WDR25: variants seen among roughly 807,000 people sequenced by gnomAD.
The protein encoded by WDR25 is WD repeat-containing protein 25.
In WDR25, 35 loss-of-function variants were observed where a neutral mutation model predicts 47.7. The ratio of observed to expected loss-of-function variants is 0.73; its 90% confidence interval spans 0.56 to 0.97. The LOEUF (loss-of-function observed/expected upper bound fraction) is 0.97. WDR25 is among the 50% of genes least tolerant of loss of function. WDR25 has a pLI of 0.00. For synonymous variants in WDR25, 248 were observed against 278.9 expected, an observed-to-expected ratio of 0.89 and a Z score of 1.10; for missense variants, 634 against 704.7, an observed-to-expected ratio of 0.90 and a Z score of 1.14.
intron 2 of WDR25, among the ~76,000 whole-genome samples, chr14:100,465,142 A>G (rs569218831): frequency 6.6e-6 from 1 of 151,786 alleles, no homozygotes; most frequent in East Asian, 1.9e-4. Flanking sequence ...TTCACGTATA[A>G]ATGAGATCTG....
intron 2 of WDR25, among the ~76,000 whole-genome samples, chr14:100,462,563 A>C (rs1462046128): frequency 6.6e-6 from 1 of 152,136 alleles, no homozygotes; most frequent in African/African-American, 2.4e-5. Flanking sequence ...TGCATCTACT[A>C]GGAGAGCCAA....
At chr14:100,377,661 G>A (rs1181696157) in intron 1 of WDR25, among the ~76,000 whole-genome samples, 1 of 151,924 alleles carries the variant, frequency 6.6e-6, no homozygotes, top group African/African-American at 2.4e-5. Flanking sequence ...TGCCTGGAAT[G>A]GGCTGCGAAC....
chr14:100,521,443 G>C (rs921992894), intron 4 of WDR25, among the ~76,000 whole-genome samples: 2 of 152,028 alleles, frequency 1.3e-5, no homozygotes, highest in African/African-American at 4.8e-5. Flanking sequence ...GCTTATTTTA[G>C]TTTCTAGTTT....
At chr14:100,382,196 G>A (rs779525849) in intron 2 of WDR25, 8 of 702,776 alleles carry the variant, frequency 1.1e-5, no homozygotes, top group South Asian at 3.0e-5. Flanking sequence ...ACAGTGAGGC[G>A]GGAGCCGTGG....
At chr14:100,396,702 A>G (rs1897267729) in intron 2 of WDR25, among the ~76,000 whole-genome samples, 1 of 152,220 alleles carries the variant, frequency 6.6e-6, no homozygotes, top group Non-Finnish European at 1.5e-5. Flanking sequence ...ATCATAGGAG[A>G]GGCCAGGGGA....
chr14:100,386,266 C>T (rs553107371), intron 2 of WDR25, among the ~76,000 whole-genome samples: 5 of 152,288 alleles, frequency 3.3e-5, no homozygotes, highest in Admixed American at 6.5e-5. Flanking sequence ...TAACTCCCAA[C>T]CCCAAGTCAG....
intron 2 of WDR25, among the ~76,000 whole-genome samples, chr14:100,410,201 C>T (rs1190106699): frequency 1.3e-5 from 2 of 152,194 alleles, no homozygotes; most frequent in African/African-American, 4.8e-5. Flanking sequence ...TCGTCAAACA[C>T]GTCAGTGCTC....
Position 100,424,103 on chromosome 14 carries a change from T to C in WDR25, c.822+42357T>C, listed in dbSNP as rs756061552. 2.0e-5 allele frequency among the ~76,000 whole-genome samples: 3 copies of C among 152,064 alleles called. No homozygotes were observed. Among genetic ancestry groups the C allele is most frequent in the Admixed American group, 6.5e-5 (1 of 15,272 alleles). On this transcript the variant is annotated intron_variant, in intron 2 of 6. Coordinates refer to ENST00000402312, the MANE Select transcript of WDR25 (RefSeq NM_001161476.3). The surrounding 1 kb of genome is among the most constrained non-coding windows in gnomAD (Gnocchi z 4.2). ...GCAGGGCCTCCCTGTACCAACCAGATTGGGTATAAACAAGGCATTCATTAC... is the reference window on the plus strand; with the variant it reads ...GCAGGGCCTCCCTGTACCAACCAGACTGGGTATAAACAAGGCATTCATTAC...
In WDR25 at chr14:100,518,992, T is replaced by A. The variant is rs571249697; in HGVS notation, c.1102-6878T>A. Among the ~76,000 whole-genome samples, 3 of 151,882 alleles carry A rather than the reference T, an allele frequency of 2.0e-5. No individual in the cohort carries two copies. The East Asian group carries it at 5.8e-4, about 29-fold the overall frequency. On this transcript the variant is annotated intron_variant, in intron 4 of 6. Transcript: ENST00000402312. ...CTGTTTATTTTTTTCTTCAGCTTGA[T>A]CATTTGGGCAGAATGAGGGATTTAT...
intron 3 of WDR25, among the ~76,000 whole-genome samples, chr14:100,483,436 A>G (rs1900273153): frequency 6.6e-6 from 1 of 152,154 alleles, no homozygotes; most frequent in Non-Finnish European, 1.5e-5. Flanking sequence ...TTGGGCCACC[A>G]TGATGGCCAC....
chr14:100,430,012 A>G lies in WDR25; in HGVS notation c.823-38009A>G, dbSNP rs1332098830. Among the ~76,000 whole-genome samples, 1 of 152,176 alleles carries G rather than the reference A, an allele frequency of 6.6e-6. No homozygotes were observed. Among genetic ancestry groups the G allele is most frequent in the Admixed American group, 6.5e-5 (1 of 15,280 alleles). On this transcript the variant is annotated intron_variant, in intron 2 of 6. Coordinates refer to ENST00000402312, the MANE Select transcript of WDR25 (RefSeq NM_001161476.3). This position sits in a 1 kb window ranked among gnomAD's most constrained non-coding sequence, Gnocchi z 4.7. ...TATGAATTTTGGGGAAGACACATCCATGACACCCCTAGTATGCTGCCTGAC... is the reference window on the plus strand; with the variant it reads ...TATGAATTTTGGGGAAGACACATCCGTGACACCCCTAGTATGCTGCCTGAC...
In WDR25 at chr14:100,428,625, C is replaced by T. The variant is rs539809041; in HGVS notation, c.823-39396C>T. Among the ~76,000 whole-genome samples, 1 of 152,248 alleles carries T rather than the reference C, an allele frequency of 6.6e-6. No homozygotes were observed. The highest frequency in any genetic ancestry group is 2.1e-4 in the South Asian group (1 of 4,818). ...CAGGAGAGTACTGGGGCCTTGCCAG[C>T]GGAGCCCCCTCTTCCCTGGTCTTAT... is the stretch of plus-strand genomic sequence containing the variant. On this transcript the variant is annotated intron_variant, in intron 2 of 6. Coordinates refer to ENST00000402312, the MANE Select transcript of WDR25 (RefSeq NM_001161476.3). The surrounding 1 kb of genome is among the most constrained non-coding windows in gnomAD (Gnocchi z 4.3).
intron 4 of WDR25, among the ~76,000 whole-genome samples, chr14:100,520,132 A>T (rs1224559829): frequency 6.7e-6 from 1 of 148,438 alleles, no homozygotes; most frequent in East Asian, 2.0e-4. Flanking sequence ...TATCTATGTC[A>T]CTTCTGGCCA....
intron 2 of WDR25, among the ~76,000 whole-genome samples, chr14:100,439,397 G>T (rs1240174900): frequency 6.6e-6 from 1 of 152,228 alleles, no homozygotes; most frequent in Non-Finnish European, 1.5e-5. Context: ...GGCATTTTGT[G>T]TGGCGTTGTG....
chr14:100,384,585 T>TG (rs1896977833), intron 2 of WDR25, among the ~76,000 whole-genome samples: 1 of 152,038 alleles, frequency 6.6e-6, no homozygotes, highest in Non-Finnish European at 1.5e-5. Flanking sequence ...GGGGACCTGG[T>TG]GATCTGGGGA....
chr14:100,524,401 G>A (rs542979563), intron 4 of WDR25, among the ~76,000 whole-genome samples: 24 of 152,326 alleles, frequency 1.6e-4, no homozygotes, highest in Admixed American at 3.9e-4. Flanking sequence ...GGATCAAAGT[G>A]TTGAGGCTGG....
chr14:100,403,850 C>A (rs952306231), intron 2 of WDR25, among the ~76,000 whole-genome samples: 3 of 152,124 alleles, frequency 2.0e-5, no homozygotes, highest in Admixed American at 2.0e-4. Context: ...GAGATGATTG[C>A]AGTGATCAAT....
chr14:100,376,561 C>A (rs922161268), intron 1 of WDR25, 66 bp downstream of exon 1: 6 of 1,231,772 alleles, frequency 4.9e-6, no homozygotes, highest in Non-Finnish European at 2.0e-6. Context: ...TAAAGCGCCC[C>A]GTGCCGCTTA....
chr14:100,497,054 T>C (rs1482179623), intron 4 of WDR25, among the ~76,000 whole-genome samples: 1 of 152,140 alleles, frequency 6.6e-6, no homozygotes, highest in Non-Finnish European at 1.5e-5. Flanking sequence ...GGCTGGAAGA[T>C]AGCTTTCTAT....
Sources: gnomAD v4.1 joint callset for allele counts (sites outside exome capture counted in the v4.1 genomes callset) on GRCh38, gnomAD v4.1.1 for gene constraint, Gnocchi (gnomAD v3.1) non-coding constraint, MANE v1.5 for transcripts, NCBI Gene and HGNC (gene_info 2026-07-23, HGNC 2026-07-21) for gene names.